The following OTOGL variants were observed in gnomAD, a reference collection of about 807,000 sequenced individuals.
OTOGL encodes otogelin like.
Under a neutral mutation model 318.5 loss-of-function variants are expected in OTOGL, and 285 were observed. The observed-to-expected ratio is 0.89, with a 90% CI of 0.81 to 0.99. The LOEUF is 0.99. Among genes scored for constraint, OTOGL ranks in the 50% least tolerant of loss-of-function variants. OTOGL has a pLI of 0.00. For synonymous variants in OTOGL, 987 were observed against 936.5 expected, an observed-to-expected ratio of 1.05 and a Z score of -0.99; for missense variants, 2,899 against 2,845.6, an observed-to-expected ratio of 1.02 and a Z score of -0.43.
intron 1 of OTOGL, among the ~76,000 whole-genome samples, chr12:80,168,540 C>A (rs1350943752): frequency 1.3e-5 from 2 of 152,000 alleles, no homozygotes; most frequent in African/African-American, 4.8e-5. Context: ...CACTTTGCAC[C>A]GTATCATCAG....
chr12:80,275,837 A>T (rs550938847), intron 24 of OTOGL, among the ~76,000 whole-genome samples: 1 of 151,386 alleles, frequency 6.6e-6, no homozygotes, highest in East Asian at 1.9e-4. Context: ...ATGATCATTA[A>T]CTTTTTTTTT....
At chr12:80,206,554 G>A (rs534971064) in intron 1 of OTOGL, among the ~76,000 whole-genome samples, 8 of 152,162 alleles carry the variant, frequency 5.3e-5, no homozygotes, top group African/African-American at 1.7e-4. Context: ...TCTGTTGCCA[G>A]GCTGGAGTGC....
At chr12:80,328,015 G>GAT (rs1887809910) in intron 35 of OTOGL, among the ~76,000 whole-genome samples, 1 of 124,832 alleles carries the variant, frequency 8.0e-6, no homozygotes, top group Non-Finnish European at 1.7e-5. Context: ...AATCAATACA[G>GAT]ATTAAAATCT....
At chr12:80,342,708 A>C (rs1434420113) in intron 44 of OTOGL, among the ~76,000 whole-genome samples, 1 of 152,166 alleles carries the variant, frequency 6.6e-6, no homozygotes, top group Non-Finnish European at 1.5e-5. Flanking sequence ...GTGAGCATCT[A>C]GTACATAGAA....
intron 1 of OTOGL, among the ~76,000 whole-genome samples, chr12:80,110,012 G>T (rs1029439033): frequency 1.3e-5 from 2 of 150,890 alleles, no homozygotes; most frequent in Admixed American, 6.6e-5. Context: ...ATGTGCAATG[G>T]TAGTTTGCTG....
At chr12:80,184,234 A>C (rs1398104905) in intron 1 of OTOGL, among the ~76,000 whole-genome samples, 1 of 152,232 alleles carries the variant, frequency 6.6e-6, no homozygotes, top group Non-Finnish European at 1.5e-5. Context: ...TCTACTAAGC[A>C]ATGAGTTATC....
At chr12:80,167,425 A>G in intron 1 of OTOGL, among the ~76,000 whole-genome samples, 1 of 152,318 alleles carries the variant, frequency 6.6e-6, no homozygotes, top group South Asian at 2.1e-4. Context: ...AATCCTTTAT[A>G]GAGGACTGAG....
chr12:80,328,319 A>AAACAACAACAAC lies in OTOGL; in HGVS notation c.4200-323_4200-312dup, dbSNP rs3045899. On this transcript the variant is annotated intron_variant, in intron 35 of 58. Transcript: ENST00000547103. ...GGGTGACAGAGTGAGACCCTGTCAC[A>AAACAACAACAAC]AACAACAACAACAACAACAACAACA... Among the ~76,000 whole-genome samples, 535 of 148,852 alleles carry AAACAACAACAAC rather than the reference A, an allele frequency of 3.6e-3. 3 individuals carry two copies. Among genetic ancestry groups the AAACAACAACAAC allele is most frequent in the East Asian group, 0.025 (122 of 4,960 alleles).
chr12:80,159,251 A>G (rs1305752970), intron 1 of OTOGL, among the ~76,000 whole-genome samples: 1 of 151,928 alleles, frequency 6.6e-6, no homozygotes, highest in Non-Finnish European at 1.5e-5. Context: ...TTTGTTAAGG[A>G]TTTTTACATC....
intron 1 of OTOGL, among the ~76,000 whole-genome samples, chr12:80,190,047 G>A (rs1565893651): frequency 1.3e-5 from 2 of 152,164 alleles, no homozygotes; most frequent in Non-Finnish European, 2.9e-5. Context: ...GTAGCCGGCT[G>A]AAATATTACA....
intron 43 of OTOGL, among the ~76,000 whole-genome samples, chr12:80,341,119 TA>T: frequency 2.0e-5 from 3 of 152,234 alleles, no homozygotes; most frequent in Non-Finnish European, 4.4e-5. Context: ...AAATATGTCT[TA>T]AAGTCGGGTG....
intron 1 of OTOGL, among the ~76,000 whole-genome samples, chr12:80,140,872 A>T (rs970384959): frequency 6.6e-6 from 1 of 152,150 alleles, no homozygotes; most frequent in African/African-American, 2.4e-5. Flanking sequence ...GACATCAGTA[A>T]TTTTTAGTAA....
At position 80,318,642 on chromosome 12, in the gene OTOGL, G is replaced by A; in HGVS notation, c.3731G>A (p.Arg1244Lys). Residue 1244 changes from arginine to lysine, a missense_variant, in exon 33 of 59, where the codon AGA (arginine) becomes AAA (lysine). Physicochemically the swap from Arg to Lys is conservative, Grantham distance 26. This residue lies in a region of OTOGL where 2,607 missense variants were observed against 2,524.9 expected (regional missense o/e 1.03). Transcript: ENST00000547103. ...AGCAGAAGCGTTTTCTGTTTGCCGA[G>A]AAGCAGTGTTCATACCAGTTTATTT... ...MTSRSVFCLP[R>K]SSVHTSLFFY... 6.8e-7 allele frequency: 1 copy of A among 1,470,168 alleles called. No homozygotes were observed. Among genetic ancestry groups the A allele is most frequent in the Non-Finnish European group, 9.0e-7 (1 of 1,108,628 alleles). The allele number at this position is 1,470,168 out of a possible 1,614,324, so 91.1% of individuals were successfully genotyped here. A position where few individuals can be genotyped will look rare whatever the true frequency, so the allele number is the denominator to read the frequency against.
chr12:80,291,516 C>G (rs1158970607), intron 26 of OTOGL, among the ~76,000 whole-genome samples: 1 of 152,160 alleles, frequency 6.6e-6, no homozygotes, highest in African/African-American at 2.4e-5. Context: ...TAATTTCTCT[C>G]TTCTTGAGGT....
In OTOGL at chr12:80,310,647, G is replaced by A. The variant is rs369438585; in HGVS notation, c.3370G>A (p.Ala1124Thr). Residue 1124 changes from alanine (A) to threonine (T), a missense_variant, in exon 30 of 59, where the codon GCA becomes ACA. Coordinates refer to ENST00000547103, the MANE Select transcript of OTOGL (RefSeq NM_001378609.3). ...SPDETIKPCE[A>T]HQNKFPYAKK... ...AGATGAAACAATTAAACCCTGTGAG[G>A]CACATCAAAACAAATTTCCTTATGC... 4 of 1,596,282 alleles carry A rather than the reference G, an allele frequency of 2.5e-6. No individual in the cohort carries two copies. Among genetic ancestry groups the A allele is most frequent in the Non-Finnish European group, 3.4e-6 (4 of 1,176,960 alleles).
At chr12:80,338,929 A>T in intron 42 of OTOGL, 146 bp from the exon 43 acceptor site, 1 of 669,998 alleles carries the variant, frequency 1.5e-6, no homozygotes, top group East Asian at 2.8e-5. Flanking sequence ...AAAGGTTCTG[A>T]GAAGCTGTGG....
At chr12:80,190,786 C>CAAAAAAA (rs55950528) in intron 1 of OTOGL, among the ~76,000 whole-genome samples, 7 of 73,664 alleles carry the variant, frequency 9.5e-5, no homozygotes, top group African/African-American at 3.9e-4. Flanking sequence ...GACTCCGTCT[C>CAAAAAAA]AAAAAAAAAA....
rs545746236 is a variant in OTOGL at position 80,148,844 on chromosome 12, A to G, written c.-20+49239A>G. ...GATACCCTTTCTTCCAGTTGATCGC[A>G]TCAGCTCCTGAGGCTTCTGCATTCT... On this transcript the variant is annotated intron_variant, in intron 1 of 58. Transcript: ENST00000547103. Among the ~76,000 whole-genome samples the G allele has an allele frequency of 3.3e-5, 5 of 152,270 alleles. No homozygotes were observed. The South Asian group carries it at 1.0e-3, about 32-fold the overall frequency.
intron 1 of OTOGL, among the ~76,000 whole-genome samples, chr12:80,170,029 T>C (rs1874082761): frequency 1.3e-5 from 2 of 152,106 alleles, no homozygotes; most frequent in African/African-American, 4.8e-5. Flanking sequence ...TACCTAGGAG[T>C]AAATGAGTGG....
Sources: allele counts gnomAD v4.1 joint callset (sites outside exome capture counted in the v4.1 genomes callset), GRCh38; gene constraint gnomAD v4.1.1; regional missense constraint gnomAD v4.1.1; transcripts MANE v1.5; gene names NCBI Gene and HGNC (gene_info 2026-07-23, HGNC 2026-07-21).